CYTIP: variants seen among roughly 807,000 people sequenced by gnomAD.
CYTIP encodes the protein cytohesin-interacting protein.
In CYTIP, 26 loss-of-function variants were observed where a neutral mutation model predicts 43.8. That is an observed-to-expected ratio of 0.59 (90% CI 0.44 to 0.82). The LOEUF is 0.82. CYTIP is among the 40% of genes least tolerant of loss of function. The pLI, the probability that CYTIP is intolerant of heterozygous loss-of-function variation, is 0.00. For missense variants in CYTIP, 426 were observed against 443.1 expected (o/e 0.96, Z 0.35); for synonymous variants, 162 against 162.9 (o/e 0.99, Z 0.04).
In CYTIP at chr2:157,444,086, G is replaced by C. The variant is rs1685958850; in HGVS notation, c.-66C>G. 1 of 1,500,518 alleles carries C rather than the reference G, an allele frequency of 6.7e-7. No individual in the cohort carries two copies. The highest frequency in any genetic ancestry group is 9.1e-7 in the Non-Finnish European group (1 of 1,094,044). The allele number at this position is 1,500,518 out of a possible 1,614,324, so 93.0% of individuals were successfully genotyped here. On this transcript the variant is annotated 5_prime_UTR_variant, in exon 1 of 8. Coordinates refer to ENST00000264192, the MANE Select transcript of CYTIP (RefSeq NM_004288.5). ...CCTTGCAGGATGGGGGAAGCTAAAAGTACAACTGTGACAAGTAATCAAAAG... is the reference window on the plus strand; with the variant it reads ...CCTTGCAGGATGGGGGAAGCTAAAACTACAACTGTGACAAGTAATCAAAAG...
At chr2:157,430,676 G>A in intron 4 of CYTIP, 24 bp from the exon 5 acceptor site, 1 of 1,599,768 alleles carries the variant, frequency 6.3e-7, no homozygotes, top group Non-Finnish European at 8.6e-7. Context: ...AGAAAAATGA[G>A]TGTTATGTTG....
chr2:157,433,213 G>C (rs1685741172), intron 3 of CYTIP, among the ~76,000 whole-genome samples: 1 of 152,112 alleles, frequency 6.6e-6, no homozygotes, highest in Admixed American at 6.5e-5. Flanking sequence ...ACAGAATAGG[G>C]AGTAGTTCAT....
At chr2:157,439,065 A>C in intron 1 of CYTIP, 1 of 208,846 alleles carries the variant, frequency 4.8e-6, no homozygotes. Context: ...CTATCTAGCT[A>C]ATTGACTAGT....
intron 1 of CYTIP, 96 bp from the exon 2 acceptor site, chr2:157,434,843 T>TCACACA (rs1442664111): frequency 3.1e-4 from 117 of 377,042 alleles, no homozygotes; most frequent in Non-Finnish European, 4.3e-4. Context: ...TCTCTCTCTC[T>TCACACA]CTCTCTCACA....
intron 6 of CYTIP, among the ~76,000 whole-genome samples, chr2:157,423,673 C>G (rs1391833384): frequency 2.0e-5 from 3 of 151,834 alleles, no homozygotes; most frequent in Non-Finnish European, 2.9e-5. Context: ...AAAAGATAAT[C>G]TAAGAAAATA....
chr2:157,421,120 A>G (rs867331754), intron 6 of CYTIP, among the ~76,000 whole-genome samples: 4 of 152,136 alleles, frequency 2.6e-5, no homozygotes, highest in South Asian at 2.1e-4. Context: ...AAGCTTCCCT[A>G]TTTTCCTTTG....
At chr2:157,422,146 G>A (rs1685531037) in intron 6 of CYTIP, among the ~76,000 whole-genome samples, 1 of 152,144 alleles carries the variant, frequency 6.6e-6, no homozygotes, top group African/African-American at 2.4e-5. Context: ...ACAGCTCACT[G>A]AGTCTTCAGG....
intron 5 of CYTIP, 129 bp from the exon 6 acceptor site, chr2:157,427,549 GT>G (rs1475908961): frequency 1.9e-6 from 1 of 539,954 alleles, no homozygotes; most frequent in East Asian, 3.4e-5. Flanking sequence ...AAATACAAAT[GT>G]TACAGTTCTC....
At chr2:157,431,496 C>T (rs996568814) in intron 3 of CYTIP, among the ~76,000 whole-genome samples, 3 of 152,114 alleles carry the variant, frequency 2.0e-5, no homozygotes, top group African/African-American at 7.2e-5. Context: ...TTCTGAGCAC[C>T]CTCTGGTATG....
chr2:157,428,169 G>C (rs780783737), intron 5 of CYTIP, among the ~76,000 whole-genome samples: 6 of 152,134 alleles, frequency 3.9e-5, no homozygotes, highest in Non-Finnish European at 7.4e-5. Flanking sequence ...GTGTGTTCAA[G>C]TTAAAGGCTT....
chr2:157,429,851 G>A (rs1022428375), intron 5 of CYTIP, among the ~76,000 whole-genome samples: 2 of 151,724 alleles, frequency 1.3e-5, no homozygotes, highest in African/African-American at 2.4e-5. Context: ...ATGAAACCCC[G>A]TCTCTACTAA....
In CYTIP at chr2:157,443,898, CCTT is replaced by C; in HGVS notation, c.120_122del (p.Arg41del). On this transcript the variant is annotated inframe_deletion, in exon 1 of 8. Coordinates refer to ENST00000264192, the MANE Select transcript of CYTIP (RefSeq NM_004288.5). Reference sequence around the variant, plus strand: ...CCACCGTGTCTGCTAGCATTTGAATCCTTCTATTATCGTCCATCGTAAGGCTGC... The same window carrying C: ...CCACCGTGTCTGCTAGCATTTGAATCCTATTATCGTCCATCGTAAGGCTGC... 3.1e-6 allele frequency: 5 copies of C among 1,614,166 alleles called. No homozygotes were observed. Among genetic ancestry groups the C allele is most frequent in the Non-Finnish European group, 4.2e-6 (5 of 1,180,000 alleles).
intron 1 of CYTIP, among the ~76,000 whole-genome samples, chr2:157,440,230 T>C (rs1245037505): frequency 6.6e-6 from 1 of 152,150 alleles, no homozygotes; most frequent in Non-Finnish European, 1.5e-5. Flanking sequence ...CACCCACTTT[T>C]AAATAAGGAG....
chr2:157,434,864 C>G, intron 1 of CYTIP, 117 bp from the exon 2 acceptor site: 3 of 377,222 alleles, frequency 8.0e-6, no homozygotes, highest in Non-Finnish European at 1.6e-5. Context: ...CACACACACA[C>G]ACACACACAC....
intron 1 of CYTIP, 67 bp from the exon 2 acceptor site, chr2:157,434,814 C>A (rs1685781890): frequency 2.4e-5 from 2 of 84,134 alleles, no homozygotes; most frequent in Admixed American, 1.4e-4. Context: ...TGTTCTAAAT[C>A]TCTCTCTCTC....
intron 5 of CYTIP, among the ~76,000 whole-genome samples, chr2:157,429,561 C>T (rs531662831): frequency 6.6e-6 from 1 of 152,296 alleles, no homozygotes; most frequent in African/African-American, 2.4e-5. Context: ...ATCTTCGTCT[C>T]TCCTGAGCCT....
At chr2:157,432,750 G>A (rs943799490) in intron 3 of CYTIP, among the ~76,000 whole-genome samples, 6 of 152,124 alleles carry the variant, frequency 3.9e-5, no homozygotes, top group Non-Finnish European at 8.8e-5. Context: ...TGCACAATAT[G>A]GGTACATGAG....
intron 5 of CYTIP, 101 bp from the exon 6 acceptor site, chr2:157,427,521 C>T (rs1685632441): frequency 2.6e-6 from 2 of 757,444 alleles, no homozygotes. Flanking sequence ...ACTTTGAGCA[C>T]ATACTATACT....
Position 157,415,474 on chromosome 2 carries a change from T to C in CYTIP, c.*203A>G. ...TAATTAACTTATTATTTAGTTTTCC[T>C]GTCTGCTTAGAAATTGGCTGTTTAG... is the stretch of plus-strand genomic sequence containing the variant. On this transcript the variant is annotated 3_prime_UTR_variant, in exon 8 of 8. Transcript: ENST00000264192. 3 of 520,750 alleles carry C rather than the reference T, an allele frequency of 5.8e-6. No individual in the cohort carries two copies. The highest frequency in any genetic ancestry group is 1.0e-5 in the Non-Finnish European group (3 of 288,866). The allele number at this position is 520,750 out of a possible 1,614,324, so 32.3% of individuals were successfully genotyped here.
Sources: gnomAD v4.1 joint callset for allele counts (sites outside exome capture counted in the v4.1 genomes callset) on GRCh38, gnomAD v4.1.1 for gene constraint, MANE v1.5 for transcripts, NCBI Gene and HGNC (gene_info 2026-07-23, HGNC 2026-07-21) for gene names.